Variants in EPM2A observed in about 807,000 individuals in gnomAD.
EPM2A encodes the protein laforin.
EPM2A carries 21 observed loss-of-function variants against 26.5 expected under a neutral mutation model. The observed-to-expected ratio is 0.79, with a 90% confidence interval of 0.56 to 1.14. EPM2A has a LOEUF of 1.14. EPM2A is among the 50% of genes most tolerant of loss of function. The pLI, the probability that EPM2A is intolerant of heterozygous loss-of-function variation, is 0.00. For missense variants in EPM2A, 458 were observed against 440.8 expected, an observed-to-expected ratio of 1.04 and a Z score of -0.35; for synonymous variants, 217 against 177.6, an observed-to-expected ratio of 1.22 and a Z score of -1.76.
chr6:145,421,771 A>AT (rs1227668410), intron 4 of EPM2A, among the ~76,000 whole-genome samples: 1 of 151,808 alleles, frequency 6.6e-6, no homozygotes, highest in Non-Finnish European at 1.5e-5. Context: ...TAAGAGATAT[A>AT]TTTTAAGTTA....
intron 1 of EPM2A, chr6:145,705,764 T>C (rs893394552): frequency 4.8e-6 from 2 of 419,466 alleles, no homozygotes; most frequent in African/African-American, 2.1e-5. Context: ...CTTCCTCTCA[T>C]ATTTTACTGG....
At chr6:145,591,231 A>G (rs1198302346) in intron 2 of EPM2A, among the ~76,000 whole-genome samples, 1 of 152,154 alleles carries the variant, frequency 6.6e-6, no homozygotes, top group East Asian at 1.9e-4. Context: ...TATAACATAG[A>G]CATATTTGGA....
At chr6:145,421,736 T>C (rs769494866) in intron 4 of EPM2A, among the ~76,000 whole-genome samples, 4 of 151,876 alleles carry the variant, frequency 2.6e-5, no homozygotes, top group Non-Finnish European at 5.9e-5. Context: ...GATTTGGATT[T>C]AAAATAAAAC....
intron 2 of EPM2A, among the ~76,000 whole-genome samples, chr6:145,546,324 G>A (rs921314819): frequency 6.6e-6 from 1 of 151,994 alleles, no homozygotes; most frequent in Non-Finnish European, 1.5e-5. Flanking sequence ...CAGCTTTGGG[G>A]GAGAGAGAGA....
intron 4 of EPM2A, among the ~76,000 whole-genome samples, chr6:145,407,659 T>C (rs1778587854): frequency 6.6e-6 from 1 of 152,202 alleles, no homozygotes; most frequent in Non-Finnish European, 1.5e-5. Context: ...TAAAAGTTAT[T>C]TCCCTTTATA....
At chr6:145,594,303 A>G (rs1200497549) in intron 2 of EPM2A, among the ~76,000 whole-genome samples, 1 of 151,928 alleles carries the variant, frequency 6.6e-6, no homozygotes, top group East Asian at 1.9e-4. Flanking sequence ...AAGAAAAAAA[A>G]TATAAGGTTC....
In EPM2A at chr6:145,646,344, T is replaced by A. The variant is rs536435197; in HGVS notation, c.477-10858A>T. 4.4e-3 allele frequency among the ~76,000 whole-genome samples: 661 copies of A among 151,874 alleles called. 5 individuals carry two copies. Among genetic ancestry groups the A allele is most frequent in the African/African-American group, 0.014 (572 of 41,444 alleles). ...GCTAATTTTTTTTTTTAATTTTTTA[T>A]TTTTTGTATTTTTAGTAGAGATGGG... On this transcript the variant is annotated intron_variant, in intron 2 of 3. Coordinates refer to ENST00000367519, the MANE Select transcript of EPM2A (RefSeq NM_005670.4).
At chr6:145,505,543 GT>G (rs1779960367) in intron 2 of EPM2A, among the ~76,000 whole-genome samples, 5 of 46,062 alleles carry the variant, frequency 1.1e-4, no homozygotes, top group Admixed American at 9.5e-4. Flanking sequence ...ATATTATTCA[GT>G]AATATTATCA....
intron 1 of EPM2A, among the ~76,000 whole-genome samples, chr6:145,716,787 A>G (rs1435530733): frequency 6.6e-6 from 1 of 152,170 alleles, no homozygotes; most frequent in African/African-American, 2.4e-5. Context: ...TTGCCATTTT[A>G]ATAAAATCAG....
At chr6:145,581,016 T>C (rs572718865) in intron 2 of EPM2A, among the ~76,000 whole-genome samples, 1 of 152,326 alleles carries the variant, frequency 6.6e-6, no homozygotes, top group African/African-American at 2.4e-5. Context: ...TGATTTATAT[T>C]CCTTTGGGTA....
chr6:145,490,123 G>A lies in EPM2A; in HGVS notation c.555+12399C>T, dbSNP rs1779736126. On this transcript the variant is annotated intron_variant, in intron 4 of 4. Transcript: ENST00000638717. ...TTTGTTATATAATAGTCATTGATAT[G>A]TCACAGGTTCAGTTTGCACACGTTT... The A allele has an allele frequency of 2.6e-6, 3 of 1,163,454 alleles. No individual in the cohort carries two copies. In the South Asian group the frequency reaches 4.5e-5, roughly 17 times the overall value. 72.1% of individuals were successfully genotyped at this position (1,163,454 alleles called of 1,614,324 possible).
intron 4 of EPM2A, chr6:145,490,730 G>C (rs895628478): frequency 2.5e-5 from 14 of 563,706 alleles, no homozygotes; most frequent in African/African-American, 2.5e-4. Context: ...TTCTCACAAT[G>C]GAACAAGTCC....
intron 2 of EPM2A, among the ~76,000 whole-genome samples, chr6:145,540,062 G>A (rs545400117): frequency 6.6e-6 from 1 of 152,154 alleles, no homozygotes; most frequent in African/African-American, 2.4e-5. Context: ...CACAATAAAG[G>A]CTCTTGCCTA....
exon 4 of EPM2A, chr6:145,501,789 T>C (rs556204086): frequency 1.9e-5 from 9 of 471,062 alleles, no homozygotes; most frequent in Admixed American, 7.0e-5. Flanking sequence ...ATAATAAGGT[T>C]AGGGAGATAT....
intron 1 of EPM2A, among the ~76,000 whole-genome samples, chr6:145,732,359 A>T (rs1431902515): frequency 1.3e-5 from 2 of 151,802 alleles, no homozygotes; most frequent in African/African-American, 4.8e-5. Flanking sequence ...ACAGAAAGTC[A>T]ACGGTCAATA....
chr6:145,419,537 T>C (rs1184908832), intron 4 of EPM2A, among the ~76,000 whole-genome samples: 4 of 152,202 alleles, frequency 2.6e-5, no homozygotes, highest in African/African-American at 7.2e-5. Context: ...GTAGCAAATG[T>C]ATTGGTTAGA....
intron 2 of EPM2A, among the ~76,000 whole-genome samples, chr6:145,617,716 G>T (rs892352253): frequency 1.3e-5 from 2 of 152,156 alleles, no homozygotes; most frequent in African/African-American, 4.8e-5. Flanking sequence ...AGGCAGGAGT[G>T]TCACTTAATC....
chr6:145,600,450 C>A (rs1781402842), intron 2 of EPM2A, among the ~76,000 whole-genome samples: 1 of 152,150 alleles, frequency 6.6e-6, no homozygotes, highest in South Asian at 2.1e-4. Context: ...AAGTGCTGTC[C>A]TTTCAAAGAA....
chr6:145,439,604 T>A (rs928791605), intron 4 of EPM2A, among the ~76,000 whole-genome samples: 1 of 152,224 alleles, frequency 6.6e-6, no homozygotes, highest in African/African-American at 2.4e-5. Flanking sequence ...GTTGGCCGCA[T>A]GTGGGTCTTA....
Sources: gnomAD v4.1 joint callset for allele counts (sites outside exome capture counted in the v4.1 genomes callset) on GRCh38, gnomAD v4.1.1 for gene constraint, MANE v1.5 for transcripts, NCBI Gene and HGNC (gene_info 2026-07-23, HGNC 2026-07-21) for gene names.